Variants in SLC8A1 observed in about 807,000 individuals in gnomAD.
The protein encoded by SLC8A1 is sodium/calcium exchanger 1.
Under a neutral mutation model 68.3 loss-of-function variants are expected in SLC8A1, and 18 were observed. The ratio of observed to expected loss-of-function variants is 0.26; its 90% CI spans 0.18 to 0.39. The LOEUF is 0.39. Among genes scored for constraint, SLC8A1 ranks in the 10% least tolerant of loss-of-function variants. The pLI is 1.00. For missense variants in SLC8A1, 985 were observed against 1,156.7 expected (o/e 0.85, Z 2.15); for synonymous variants, 475 against 415.5 (o/e 1.14, Z -1.74).
intron 2 of SLC8A1, among the ~76,000 whole-genome samples, chr2:40,246,377 C>T (rs1160744451): frequency 3.9e-5 from 6 of 152,228 alleles, no homozygotes; most frequent in African/African-American, 1.4e-4. Context: ...TGGCCAGAGT[C>T]AAATAGGGCA....
At chr2:40,341,272 T>C (rs570143950) in intron 2 of SLC8A1, among the ~76,000 whole-genome samples, 1 of 152,284 alleles carries the variant, frequency 6.6e-6, no homozygotes, top group African/African-American at 2.4e-5. Context: ...CTAATGAGTA[T>C]TTTCAAATAT....
At chr2:40,288,864 A>ATATATATATATATATATATATAAT (rs2068781629) in intron 2 of SLC8A1, among the ~76,000 whole-genome samples, 1 of 125,844 alleles carries the variant, frequency 7.9e-6, no homozygotes, top group African/African-American at 3.6e-5. Flanking sequence ...TATATATATG[A>ATATATATATATATATATATATAAT]TTTTTTTTTT....
intron 2 of SLC8A1, among the ~76,000 whole-genome samples, chr2:40,307,203 G>T (rs1272900623): frequency 1.3e-5 from 2 of 149,300 alleles, no homozygotes; most frequent in East Asian, 2.0e-4. Flanking sequence ...CAATATAACA[G>T]AATGTTATTC....
At chr2:40,137,448 C>T (rs569493226) in intron 7 of SLC8A1, among the ~76,000 whole-genome samples, 2 of 152,306 alleles carry the variant, frequency 1.3e-5, no homozygotes, top group African/African-American at 2.4e-5. Context: ...TCCTCAGAGA[C>T]TAAACCCATG....
At chr2:40,142,369 T>G (rs1051406798) in intron 6 of SLC8A1, among the ~76,000 whole-genome samples, 1 of 112,964 alleles carries the variant, frequency 8.9e-6, no homozygotes, top group Admixed American at 7.8e-5. Context: ...CTGAGAAGGG[T>G]GCATATACTC....
At chr2:40,426,213 T>C (rs1054936378) in intron 2 of SLC8A1, among the ~76,000 whole-genome samples, 1 of 152,028 alleles carries the variant, frequency 6.6e-6, no homozygotes, top group Non-Finnish European at 1.5e-5. Context: ...GCTTTGCCAT[T>C]TCTAAAATTT....
intron 2 of SLC8A1, among the ~76,000 whole-genome samples, chr2:40,184,914 A>AAG (rs1427806283): frequency 5.1e-4 from 78 of 151,744 alleles, no homozygotes; most frequent in African/African-American, 1.8e-3. Flanking sequence ...AAAAAAAAAA[A>AAG]AAAAAGGAAA....
At chr2:40,485,169 CA>C (rs1704881947) in intron 1 of SLC8A1, among the ~76,000 whole-genome samples, 1 of 152,080 alleles carries the variant, frequency 6.6e-6, no homozygotes, top group Non-Finnish European at 1.5e-5. Context: ...CCATCCCCTC[CA>C]CCTTCACGCC....
intron 2 of SLC8A1, among the ~76,000 whole-genome samples, chr2:40,369,247 GAC>G (rs1217388843): frequency 6.6e-6 from 1 of 152,086 alleles, no homozygotes; most frequent in East Asian, 1.9e-4. Flanking sequence ...AGAGTAAAGA[GAC>G]AACCTACAGA....
chr2:40,151,426 G>T (rs1476180341), intron 6 of SLC8A1, among the ~76,000 whole-genome samples: 1 of 152,130 alleles, frequency 6.6e-6, no homozygotes, highest in African/African-American at 2.4e-5. Flanking sequence ...ATTGCCAAGC[G>T]CTGTCTTAGT....
intron 7 of SLC8A1, among the ~76,000 whole-genome samples, chr2:40,122,670 T>C (rs931214442): frequency 2.0e-5 from 3 of 152,156 alleles, no homozygotes; most frequent in African/African-American, 4.8e-5. Context: ...CCCAAGCAGA[T>C]TGAGCTCCAC....
chr2:40,116,223 A>C (rs1290137645), intron 7 of SLC8A1, among the ~76,000 whole-genome samples: 1 of 152,248 alleles, frequency 6.6e-6, no homozygotes, highest in Non-Finnish European at 1.5e-5. Context: ...TTGAACTATA[A>C]TAGAGTAGCT....
At chr2:40,354,145 T>C (rs989152493) in intron 2 of SLC8A1, among the ~76,000 whole-genome samples, 3 of 152,212 alleles carry the variant, frequency 2.0e-5, no homozygotes, top group African/African-American at 7.2e-5. Context: ...TATACCACTT[T>C]GCATTCTCCC....
intron 2 of SLC8A1, among the ~76,000 whole-genome samples, chr2:40,385,222 G>A (rs958921192): frequency 2.0e-5 from 3 of 151,950 alleles, no homozygotes; most frequent in African/African-American, 7.2e-5. Context: ...GATGCAATAG[G>A]AATAATCCTA....
Position 40,307,737 on chromosome 2 carries a change from C to G in SLC8A1, c.1808+120736G>C, listed in dbSNP as rs1251697082. Among the ~76,000 whole-genome samples the G allele has an allele frequency of 2.6e-5, 4 of 152,172 alleles. No individual in the cohort carries two copies. In the East Asian group the frequency reaches 7.7e-4, roughly 29 times the overall value. ...AACACACTTTGTTCACAGACAGGAA[C>G]CAAGAGTGCAAGTGTCCCCCATTCT... On this transcript the variant is annotated intron_variant, in intron 2 of 7. Transcript: ENST00000406785.
chr2:40,218,178 A>C (rs866711183), intron 2 of SLC8A1, among the ~76,000 whole-genome samples: 12 of 152,278 alleles, frequency 7.9e-5, no homozygotes, highest in African/African-American at 2.9e-4. Context: ...TCTAAGTTAC[A>C]CTTTATCAGT....
chr2:40,144,637 G>C (rs1438916378), intron 6 of SLC8A1, among the ~76,000 whole-genome samples: 1 of 151,766 alleles, frequency 6.6e-6, no homozygotes, highest in African/African-American at 2.4e-5. Flanking sequence ...ATACTTTCTA[G>C]ATACGATTTT....
chr2:40,353,919 G>T lies in SLC8A1; in HGVS notation c.1808+74554C>A, dbSNP rs377574953. Among the ~76,000 whole-genome samples, 3 of 152,192 alleles carry T rather than the reference G, an allele frequency of 2.0e-5. No homozygotes were observed. In the East Asian group the frequency reaches 5.8e-4, roughly 29 times the overall value. ...CTGTCTTCCTTGGAAAAGGAAAAGGGAAGTAGATATTGAATAAGCGTACCA... is the reference window on the plus strand; with the variant it reads ...CTGTCTTCCTTGGAAAAGGAAAAGGTAAGTAGATATTGAATAAGCGTACCA... On this transcript the variant is annotated intron_variant, in intron 2 of 7. Transcript: ENST00000406785.
At chr2:40,293,708 C>T (rs1575133313) in intron 2 of SLC8A1, among the ~76,000 whole-genome samples, 1 of 152,082 alleles carries the variant, frequency 6.6e-6, no homozygotes, top group East Asian at 1.9e-4. Flanking sequence ...TACTTCAAGG[C>T]AATTGAAAAG....
Sources: allele counts gnomAD v4.1 joint callset (sites outside exome capture counted in the v4.1 genomes callset), GRCh38; gene constraint gnomAD v4.1.1; transcripts MANE v1.5; gene names NCBI Gene and HGNC (gene_info 2026-07-23, HGNC 2026-07-21).